PRIMPOL: variants seen among roughly 807,000 people sequenced by gnomAD.
PRIMPOL encodes primase and DNA directed polymerase.
In PRIMPOL, 54 loss-of-function variants were observed where a neutral mutation model predicts 63.6. The ratio of observed to expected loss-of-function variants is 0.85; its 90% CI spans 0.68 to 1.07. PRIMPOL has a LOEUF of 1.07. Among genes scored for constraint, PRIMPOL ranks in the 50% least tolerant of loss-of-function variants. The pLI, the probability that PRIMPOL is intolerant of heterozygous loss-of-function variation, is 0.00. For synonymous variants in PRIMPOL, 197 were observed against 220.2 expected, an observed-to-expected ratio of 0.89 and a Z score of 0.93; for missense variants, 610 against 648.3, an observed-to-expected ratio of 0.94 and a Z score of 0.64.
Position 184,672,212 on chromosome 4 carries a change from T to C in PRIMPOL, c.596T>C (p.Leu199Ser), listed in dbSNP as rs1481028006. The change falls in exon 7 of 14, where the codon TTG becomes TCG. Residue 199 changes from leucine (L) to serine (S), a missense_variant. Leu to Ser is a moderately radical substitution (Grantham distance 145). This residue lies in a region of PRIMPOL where 444 missense variants were observed against 456.4 expected (regional missense o/e 0.97). Transcript: ENST00000314970. ...LRKILQPALDLLGSEDDDSAP... is the reference protein window; with the variant it reads ...LRKILQPALDSLGSEDDDSAP... ...AAAATTTTGCAGCCTGCTCTTGACT[T>C]GCTTGGCAGTGAAGATGATGATAGC... The C allele has an allele frequency of 2.5e-6, 4 of 1,611,272 alleles. No individual in the cohort carries two copies. The highest frequency in any genetic ancestry group is 3.4e-6 in the Non-Finnish European group (4 of 1,179,420).
chr4:184,676,294 C>A (rs1753306856), intron 7 of PRIMPOL, among the ~76,000 whole-genome samples: 1 of 143,164 alleles, frequency 7.0e-6, no homozygotes, highest in African/African-American at 2.7e-5. Context: ...TTTCTTCCCT[C>A]CCCTCCCCTG....
intron 3 of PRIMPOL, chr4:184,657,538 A>G: frequency 2.3e-6 from 1 of 438,094 alleles, no homozygotes; most frequent in South Asian, 3.5e-5. Context: ...TTATATTAGT[A>G]ATGAAAAAGA....
chr4:184,654,637 A>G (rs1454591835), intron 2 of PRIMPOL, among the ~76,000 whole-genome samples: 1 of 151,906 alleles, frequency 6.6e-6, no homozygotes. Flanking sequence ...TATTTTTAGT[A>G]GAGACAGGGT....
At chr4:184,680,357 T>G (rs112825887) in intron 8 of PRIMPOL, among the ~76,000 whole-genome samples, 15,455 of 152,170 alleles carry the variant, frequency 0.1, 941 homozygotes, top group Middle Eastern at 0.17. Context: ...CCAGATAATT[T>G]TTGTATTTTT....
At chr4:184,676,356 C>T (rs1753362514) in intron 7 of PRIMPOL, among the ~76,000 whole-genome samples, 1 of 117,478 alleles carries the variant, frequency 8.5e-6, no homozygotes, top group African/African-American at 3.7e-5. Flanking sequence ...CCTTTTCCTT[C>T]CCTTCTCCTT....
chr4:184,664,684 C>T (rs954652879), intron 5 of PRIMPOL, among the ~76,000 whole-genome samples: 1 of 152,204 alleles, frequency 6.6e-6, no homozygotes, highest in African/African-American at 2.4e-5. Flanking sequence ...CAGCCACACC[C>T]TGCTGTAGAG....
intron 9 of PRIMPOL, among the ~76,000 whole-genome samples, chr4:184,683,256 C>T (rs1330021742): frequency 1.3e-5 from 2 of 151,924 alleles, no homozygotes; most frequent in African/African-American, 4.8e-5. Flanking sequence ...CATGGTGAAA[C>T]CACTAAAAAT....
chr4:184,665,989 A>G lies in PRIMPOL; in HGVS notation c.481A>G (p.Ser161Gly). 6.2e-7 allele frequency: 1 copy of G among 1,609,164 alleles called. No individual in the cohort carries two copies. ...TGAAGATGTTTTGAACTTGGATTCT[A>G]GCACTGATGAAAAATTCAGCCGGCA... is the stretch of plus-strand genomic sequence containing the variant. Reference protein sequence around the residue: ...SAEDVLNLDSSTDEKFSRHLI... With the variant: ...SAEDVLNLDSGTDEKFSRHLI... Residue 161 changes from serine to glycine, a missense_variant, in exon 6 of 14, where the codon AGC becomes GGC. Physicochemically the swap from Ser to Gly is moderately conservative, Grantham distance 56 (BLOSUM62 0). Coordinates refer to ENST00000314970, the MANE Select transcript of PRIMPOL (RefSeq NM_152683.4).
intron 13 of PRIMPOL, among the ~76,000 whole-genome samples, chr4:184,694,036 G>T (rs977609525): frequency 6.6e-6 from 1 of 152,100 alleles, no homozygotes; most frequent in South Asian, 2.1e-4. Flanking sequence ...GACATTCTAT[G>T]GTAAAATAAT....
At chr4:184,689,948 A>G (rs1758056921) in intron 11 of PRIMPOL, among the ~76,000 whole-genome samples, 1 of 152,140 alleles carries the variant, frequency 6.6e-6, no homozygotes, top group Non-Finnish European at 1.5e-5. Context: ...CTTCCTGTAC[A>G]GTTTGGGAGC....
Position 184,672,364 on chromosome 4 carries a change from C to G in PRIMPOL, c.748C>G (p.Leu250Val), listed in dbSNP as rs760643017. The G allele has an allele frequency of 6.2e-7, 1 of 1,614,124 alleles. No individual in the cohort carries two copies. Among genetic ancestry groups the G allele is most frequent in the Non-Finnish European group, 8.5e-7 (1 of 1,180,014 alleles). ...AAGCTGGACATCGAATTCAAAGAAA[C>G]TGGAGAGGCTGGGGTCAGCTGAGCA... ...EESWTSNSKK[L>V]ERLGSAEQSS... The change falls in exon 7 of 14, where the codon CTG (leucine) becomes GTG (valine). Residue 250 changes from leucine to valine, a missense_variant. This residue lies in a region of PRIMPOL where 444 missense variants were observed against 456.4 expected (regional missense o/e 0.97). Transcript: ENST00000314970.
rs760779832 is a variant in PRIMPOL, at chr4:184,691,688, A to G, written c.1401A>G (p.Val467=). Residue 467 remains valine, a synonymous_variant, in exon 13 of 14, where the codon GTA becomes GTG. Coordinates refer to ENST00000314970, the MANE Select transcript of PRIMPOL (RefSeq NM_152683.4). ...KSDCFPLPAE[V]CLLFLFKEEE... is the part of the protein sequence containing the mutation. ...CAGGTTTCCCATTACCTGCTGAAGTATGTCTCCTGTTTCTTTTCAAAGAGG... is the reference window on the plus strand; with the variant it reads ...CAGGTTTCCCATTACCTGCTGAAGTGTGTCTCCTGTTTCTTTTCAAAGAGG... 6.2e-7 allele frequency: 1 copy of G among 1,612,472 alleles called. No individual in the cohort carries two copies. The highest frequency in any genetic ancestry group is 8.5e-7 in the Non-Finnish European group (1 of 1,178,844).
chr4:184,668,585 G>A (rs4440267), intron 6 of PRIMPOL, among the ~76,000 whole-genome samples: 5,298 of 152,116 alleles, frequency 0.035, 152 homozygotes, highest in Non-Finnish European at 0.052. Context: ...TGTCTAAACC[G>A]TTGTGCCTCC....
At chr4:184,671,989 C>T (rs1401099426) in intron 6 of PRIMPOL, among the ~76,000 whole-genome samples, 184 bp from the exon 7 acceptor site, 4 of 152,150 alleles carry the variant, frequency 2.6e-5, no homozygotes, top group Non-Finnish European at 4.4e-5. Flanking sequence ...ATCCGCCCGC[C>T]TCGGCCTCCC....
In PRIMPOL at chr4:184,694,690, G is replaced by A. The variant is rs753544421; in HGVS notation, c.1594G>A (p.Ala532Thr). ...FLEATEDAELAEAAENSLLSY... is the reference protein window; with the variant it reads ...FLEATEDAELTEAAENSLLSY... Reference sequence around the variant, plus strand: ...AGAAGCTACTGAAGATGCTGAATTAGCTGAAGCTGCAGAGAACAGTCTTCT... The same window carrying A: ...AGAAGCTACTGAAGATGCTGAATTAACTGAAGCTGCAGAGAACAGTCTTCT... Residue 532 changes from alanine to threonine, a missense_variant, in exon 14 of 14, where the codon GCT becomes ACT. Around this residue, in one of 3 missense-constraint regions of PRIMPOL, gnomAD observed 444 missense variants for 456.4 expected, o/e 0.97. Coordinates refer to ENST00000314970, the MANE Select transcript of PRIMPOL (RefSeq NM_152683.4). The A allele has an allele frequency of 6.2e-7, 1 of 1,614,108 alleles. No individual in the cohort carries two copies. The highest frequency in any genetic ancestry group is 8.5e-7 in the Non-Finnish European group (1 of 1,179,958).
At chr4:184,674,809 G>T (rs1170679017) in intron 7 of PRIMPOL, among the ~76,000 whole-genome samples, 2 of 152,174 alleles carry the variant, frequency 1.3e-5, no homozygotes, top group African/African-American at 4.8e-5. Context: ...TGTCGATACT[G>T]TAAGTTTAGG....
intron 5 of PRIMPOL, among the ~76,000 whole-genome samples, chr4:184,665,390 C>T (rs1261761922): frequency 6.6e-6 from 1 of 152,054 alleles, no homozygotes; most frequent in Non-Finnish European, 1.5e-5. Context: ...GCATGGCCTT[C>T]ATGCCCAGTG....
At chr4:184,694,363 T>C (rs1242533240) in intron 13 of PRIMPOL, 159 bp from the exon 14 acceptor site, 2 of 1,407,670 alleles carry the variant, frequency 1.4e-6, no homozygotes, top group Non-Finnish European at 9.2e-7. Context: ...AGTGCACTCA[T>C]TCCCACGGTG....
intron 8 of PRIMPOL, among the ~76,000 whole-genome samples, chr4:184,679,553 A>G (rs933653153): frequency 6.6e-6 from 1 of 152,226 alleles, no homozygotes; most frequent in African/African-American, 2.4e-5. Context: ...TTGATAAGTT[A>G]TTGGAAACTG....
Sources: gnomAD v4.1 joint callset for allele counts (sites outside exome capture counted in the v4.1 genomes callset) on GRCh38, gnomAD v4.1.1 for gene constraint, gnomAD v4.1.1 regional missense constraint, MANE v1.5 for transcripts, NCBI Gene and HGNC (gene_info 2026-07-23, HGNC 2026-07-21) for gene names.